The following WDFY2 variants were observed in gnomAD, a reference collection of about 807,000 sequenced individuals.
WDFY2 encodes the protein WD repeat and FYVE domain-containing protein 2.
WDFY2 carries 36 observed loss-of-function variants against 56.4 expected under a neutral mutation model. The ratio of observed to expected loss-of-function variants is 0.64; its 90% confidence interval spans 0.49 to 0.84. The LOEUF is 0.84. WDFY2 is among the 40% of genes least tolerant of loss of function. The pLI, the probability that WDFY2 is intolerant of heterozygous loss-of-function variation, is 0.00. For missense variants in WDFY2, 444 were observed against 512.2 expected (o/e 0.87, Z 1.29); for synonymous variants, 176 against 183.7 (o/e 0.96, Z 0.34).
intron 6 of WDFY2, among the ~76,000 whole-genome samples, chr13:51,730,193 C>T (rs1179426241): frequency 1.3e-5 from 2 of 152,212 alleles, no homozygotes; most frequent in African/African-American, 4.8e-5. Context: ...CCAGCTGCTT[C>T]ATATTTTTCA....
chr13:51,694,801 C>T (rs1173593104), intron 3 of WDFY2, among the ~76,000 whole-genome samples: 5 of 152,132 alleles, frequency 3.3e-5, no homozygotes, highest in African/African-American at 7.2e-5. Context: ...CCATTTTCCC[C>T]GTCACTTTCA....
intron 3 of WDFY2, among the ~76,000 whole-genome samples, chr13:51,676,172 A>G (rs1593402659): frequency 6.6e-6 from 1 of 152,322 alleles, no homozygotes; most frequent in East Asian, 1.9e-4. Flanking sequence ...ACCTGCTTCC[A>G]GAGTCTTCAC....
At chr13:51,755,262 C>A in intron 8 of WDFY2, 96 bp from the exon 9 acceptor site, 1 of 1,138,952 alleles carries the variant, frequency 8.8e-7, no homozygotes, top group Non-Finnish European at 1.3e-6. Flanking sequence ...TTCTTTTAAA[C>A]ACATCCTGAT....
intron 4 of WDFY2, among the ~76,000 whole-genome samples, chr13:51,707,237 G>C (rs922763395): frequency 3.3e-5 from 5 of 152,172 alleles, no homozygotes; most frequent in African/African-American, 1.2e-4. Context: ...TCAACTCACT[G>C]CAACCTCTGG....
intron 2 of WDFY2, among the ~76,000 whole-genome samples, chr13:51,674,109 G>A (rs886397683): frequency 1.3e-5 from 2 of 152,114 alleles, no homozygotes; most frequent in African/African-American, 4.8e-5. Flanking sequence ...TTTGAATGAT[G>A]TCTTTGAACC....
chr13:51,610,397 A>G (rs1287248836), intron 1 of WDFY2, among the ~76,000 whole-genome samples: 4 of 152,084 alleles, frequency 2.6e-5, no homozygotes, highest in Admixed American at 6.5e-5. Context: ...ATAGTATGAA[A>G]TTTCCTTTAT....
intron 7 of WDFY2, 70 bp downstream of exon 7, chr13:51,739,245 G>A (rs1952911153): frequency 1.4e-6 from 2 of 1,467,644 alleles, no homozygotes; most frequent in Admixed American, 2.3e-5. Flanking sequence ...ACAAAGGAGT[G>A]CAGCCCAGTC....
At position 51,761,346 on chromosome 13, in the gene WDFY2, A is replaced by T. The variant is rs1946968773; in HGVS notation, c.*1577A>T. On this transcript the variant is annotated 3_prime_UTR_variant, in exon 12 of 12. Coordinates refer to ENST00000298125, the MANE Select transcript of WDFY2 (RefSeq NM_052950.4). ...TATTGAAGTCCCTTTTAAAAATCTT[A>T]TTTTCACCTGTAAAAATAGAATAAA... 1 of 152,144 alleles carries T rather than the reference A, an allele frequency of 6.6e-6. No homozygotes were observed. Among genetic ancestry groups the T allele is most frequent in the African/African-American group, 2.4e-5 (1 of 41,428 alleles). The allele number at this position is 152,144 out of a possible 1,614,324, so 9.4% of individuals were successfully genotyped here.
chr13:51,738,434 A>G (rs972748476), intron 6 of WDFY2, among the ~76,000 whole-genome samples: 3 of 152,220 alleles, frequency 2.0e-5, no homozygotes, highest in Admixed American at 2.0e-4. Context: ...GAAGTAGGTA[A>G]TGGCTGGGTT....
At chr13:51,627,449 A>G (rs1055252763) in intron 1 of WDFY2, among the ~76,000 whole-genome samples, 1 of 151,664 alleles carries the variant, frequency 6.6e-6, no homozygotes, top group African/African-American at 2.4e-5. Context: ...GCTCACTGCA[A>G]TCTCCGCCTC....
At position 51,656,581 on chromosome 13, in the gene WDFY2, G is replaced by T. The variant is rs142885185; in HGVS notation, c.138-4015G>T. On this transcript the variant is annotated intron_variant, in intron 1 of 11. Coordinates refer to ENST00000298125, the MANE Select transcript of WDFY2 (RefSeq NM_052950.4). ...GTTCTATCTTTTATTGTAAGTGAAA[G>T]TCTCCAATTATTGTAGAACTCTCTA... 1.3e-3 allele frequency among the ~76,000 whole-genome samples: 193 copies of T among 151,994 alleles called. 1 individual carries two copies. The highest frequency in any genetic ancestry group is 4.4e-3 in the African/African-American group (184 of 41,518).
chr13:51,657,100 A>C (rs1417594711), intron 1 of WDFY2, among the ~76,000 whole-genome samples: 1 of 151,742 alleles, frequency 6.6e-6, no homozygotes, highest in Non-Finnish European at 1.5e-5. Flanking sequence ...TTTCTCATGT[A>C]CCATTTTGAT....
intron 5 of WDFY2, among the ~76,000 whole-genome samples, chr13:51,723,839 G>A (rs916936751): frequency 1.1e-4 from 16 of 152,032 alleles, no homozygotes; most frequent in South Asian, 6.2e-4. Context: ...ACACTTTTTC[G>A]TTAAGGTTGC....
At chr13:51,641,017 T>G (rs2138402486) in intron 1 of WDFY2, among the ~76,000 whole-genome samples, 1 of 152,308 alleles carries the variant, frequency 6.6e-6, no homozygotes, top group East Asian at 1.9e-4. Flanking sequence ...TTAGTGGAAG[T>G]TATTTTCTAA....
intron 4 of WDFY2, among the ~76,000 whole-genome samples, chr13:51,718,070 G>T (rs1197889966): frequency 6.6e-6 from 1 of 152,198 alleles, no homozygotes; most frequent in Non-Finnish European, 1.5e-5. Context: ...TTGGCAGATG[G>T]TATTATTATT....
At chr13:51,715,307 C>T (rs888961204) in intron 4 of WDFY2, among the ~76,000 whole-genome samples, 1 of 152,142 alleles carries the variant, frequency 6.6e-6, no homozygotes, top group Non-Finnish European at 1.5e-5. Flanking sequence ...CACAACTGTA[C>T]AAAATATTTT....
At chr13:51,707,799 A>G (rs1005470128) in intron 4 of WDFY2, among the ~76,000 whole-genome samples, 6 of 152,158 alleles carry the variant, frequency 3.9e-5, no homozygotes, top group African/African-American at 1.4e-4. Flanking sequence ...GTAAATTAAA[A>G]TGTGCAACAA....
At chr13:51,732,939 C>T (rs1483083458) in intron 6 of WDFY2, among the ~76,000 whole-genome samples, 1 of 152,154 alleles carries the variant, frequency 6.6e-6, no homozygotes, top group Non-Finnish European at 1.5e-5. Context: ...TAGCAGGTGC[C>T]GTGGAGCCCT....
At chr13:51,683,928 C>G (rs1048770468) in intron 3 of WDFY2, among the ~76,000 whole-genome samples, 1 of 152,058 alleles carries the variant, frequency 6.6e-6, no homozygotes, top group South Asian at 2.1e-4. Context: ...GTTTTTCTTT[C>G]CAAGATGTGT....
Sources: allele counts gnomAD v4.1 joint callset (sites outside exome capture counted in the v4.1 genomes callset), GRCh38; gene constraint gnomAD v4.1.1; transcripts MANE v1.5; gene names NCBI Gene and HGNC (gene_info 2026-07-23, HGNC 2026-07-21).